MED13L: variants seen among roughly 807,000 people sequenced by gnomAD.
MED13L encodes mediator of RNA polymerase II transcription subunit 13-like.
MED13L carries 7 observed loss-of-function variants against 220.9 expected under a neutral mutation model. That is an observed-to-expected ratio of 0.03 (90% confidence interval 0.02 to 0.06). MED13L has a LOEUF of 0.06. Among genes scored for constraint, MED13L ranks in the 10% least tolerant of loss-of-function variants. The pLI, the probability that MED13L is intolerant of heterozygous loss-of-function variation, is 1.00. For synonymous variants in MED13L, 1,011 were observed against 1,015.2 expected (o/e 1.00, Z 0.08); for missense variants, 1,965 against 2,760.5 (o/e 0.71, Z 6.46).
rs77784334 is a variant in MED13L at position 116,167,299 on chromosome 12, G to A, written c.311-55787C>T. Among the ~76,000 whole-genome samples, 1,228 of 152,162 alleles carry A rather than the reference G, an allele frequency of 8.1e-3. 24 individuals carry two copies. The highest frequency in any genetic ancestry group is 0.028 in the African/African-American group (1,150 of 41,518). On this transcript the variant is annotated intron_variant, in intron 2 of 30. Coordinates refer to ENST00000281928, the MANE Select transcript of MED13L (RefSeq NM_015335.5). The stretch of plus-strand genomic sequence containing the variant: ...TGTTTACAAATGAAAAGCATCCCTC[G>A]AATACAAGCAGTTTAAACAACTGTT...
chr12:116,123,348 T>C (rs1271350665), intron 2 of MED13L, among the ~76,000 whole-genome samples: 1 of 152,134 alleles, frequency 6.6e-6, no homozygotes, highest in Admixed American at 6.6e-5. Flanking sequence ...CATCACAAGA[T>C]AAATTTTGAG....
chr12:116,049,175 C>T (rs181680239), intron 4 of MED13L, among the ~76,000 whole-genome samples: 13 of 152,220 alleles, frequency 8.5e-5, no homozygotes, highest in Admixed American at 7.9e-4. Context: ...AAAACAAAGA[C>T]ACAACTGAAA....
chr12:116,082,324 C>A (rs1425801092), intron 4 of MED13L, among the ~76,000 whole-genome samples: 1 of 152,126 alleles, frequency 6.6e-6, no homozygotes, highest in Non-Finnish European at 1.5e-5. Flanking sequence ...GAGGAGCAAG[C>A]AAAGTAAAAA....
intron 2 of MED13L, among the ~76,000 whole-genome samples, chr12:116,117,094 T>C (rs1171861441): frequency 1.3e-5 from 2 of 151,858 alleles, no homozygotes; most frequent in Non-Finnish European, 2.9e-5. Context: ...GAAATATCTA[T>C]ACAATGGGCT....
intron 2 of MED13L, among the ~76,000 whole-genome samples, chr12:116,117,283 G>A (rs1244124280): frequency 1.3e-5 from 2 of 152,126 alleles, no homozygotes; most frequent in African/African-American, 2.4e-5. Flanking sequence ...GGATGGAGGT[G>A]GTGAGACAGG....
intron 2 of MED13L, among the ~76,000 whole-genome samples, chr12:116,152,293 T>C (rs1878098927): frequency 6.6e-6 from 1 of 152,224 alleles, no homozygotes; most frequent in Non-Finnish European, 1.5e-5. Flanking sequence ...CATAATTATA[T>C]TACTGTTTCC....
chr12:116,142,223 A>G (rs1022253036), intron 2 of MED13L, among the ~76,000 whole-genome samples: 2 of 152,202 alleles, frequency 1.3e-5, no homozygotes, highest in Admixed American at 1.3e-4. Context: ...TCTCTACCAG[A>G]GCTAAAAATC....
In MED13L at chr12:116,157,222, T is replaced by C. The variant is rs1053248279; in HGVS notation, c.311-45710A>G. ...GTGCTATGCCTTTCATAATATTCAC[T>C]ATACTAGTATACTACACTAAGATTT... On this transcript the variant is annotated intron_variant, in intron 2 of 30. Coordinates refer to ENST00000281928, the MANE Select transcript of MED13L (RefSeq NM_015335.5). Among the ~76,000 whole-genome samples, 5 of 152,198 alleles carry C rather than the reference T, an allele frequency of 3.3e-5. No individual in the cohort carries two copies. The South Asian group carries it at 6.2e-4, about 19-fold the overall frequency.
At chr12:116,191,083 C>T (rs1404228311) in intron 2 of MED13L, among the ~76,000 whole-genome samples, 1 of 144,606 alleles carries the variant, frequency 6.9e-6, no homozygotes, top group Non-Finnish European at 1.5e-5. Flanking sequence ...AAGAGCGAGA[C>T]TCTGTCTCAA....
At chr12:116,171,313 T>C (rs975380573) in intron 2 of MED13L, among the ~76,000 whole-genome samples, 5 of 152,202 alleles carry the variant, frequency 3.3e-5, no homozygotes, top group Non-Finnish European at 7.3e-5. Flanking sequence ...TTCTTTCAGC[T>C]GCAAAGATAG....
At position 116,208,612 on chromosome 12, in the gene MED13L, T is replaced by C. The variant is rs191773646; in HGVS notation, c.310+28856A>G. Among the ~76,000 whole-genome samples, 476 of 152,298 alleles carry C rather than the reference T, an allele frequency of 3.1e-3. 1 individual carries two copies. The highest frequency in any genetic ancestry group is 4.4e-3 in the Non-Finnish European group (296 of 68,024). ...TGTCATTTCAATAACTCAAGTAAGA[T>C]TCAACTGTTCTACTCACAGCAGAAA... On this transcript the variant is annotated intron_variant, in intron 2 of 30. Coordinates refer to ENST00000281928, the MANE Select transcript of MED13L (RefSeq NM_015335.5).
In MED13L at chr12:116,003,194, C is replaced by T. The variant is rs533419903; in HGVS notation, c.2470-92G>A. 72 of 1,099,720 alleles carry T rather than the reference C, an allele frequency of 6.5e-5. 3 individuals are homozygous for T. In the South Asian group the frequency reaches 8.2e-4, roughly 12 times the overall value. 68.1% of individuals were successfully genotyped at this position (1,099,720 alleles called of 1,614,324 possible). A position where few individuals can be genotyped will look rare whatever the true frequency, so the allele number is the denominator to read the frequency against. ...CCTAATGTATGCCTATTGGTAGATGCCTCTTGGTAGAAGCGTTTACCAGGT... is the reference window on the plus strand; with the variant it reads ...CCTAATGTATGCCTATTGGTAGATGTCTCTTGGTAGAAGCGTTTACCAGGT... On this transcript the variant is annotated intron_variant, in intron 13 of 30. Transcript: ENST00000281928.
chr12:116,030,089 T>A (rs1218516228), intron 4 of MED13L, among the ~76,000 whole-genome samples: 1 of 152,122 alleles, frequency 6.6e-6, no homozygotes. Flanking sequence ...TGCCTCAGCC[T>A]CCTAAGTAGC....
chr12:115,978,074 C>A (rs1169138674), intron 23 of MED13L, among the ~76,000 whole-genome samples: 2 of 152,034 alleles, frequency 1.3e-5, no homozygotes, highest in Middle Eastern at 3.4e-3. Context: ...TATAATTAGA[C>A]CCTGTCTAAA....
intron 2 of MED13L, among the ~76,000 whole-genome samples, chr12:116,211,439 T>C (rs1482555168): frequency 6.6e-6 from 1 of 152,150 alleles, no homozygotes; most frequent in Non-Finnish European, 1.5e-5. Flanking sequence ...AAAATGCACC[T>C]TTAAGACAAA....
At chr12:116,263,803 G>T (rs150151612) in intron 1 of MED13L, among the ~76,000 whole-genome samples, 61 of 152,246 alleles carry the variant, frequency 4.0e-4, no homozygotes, top group African/African-American at 1.4e-3. Flanking sequence ...TCTACCCTTA[G>T]GATAATTTGC....
intron 4 of MED13L, among the ~76,000 whole-genome samples, chr12:116,034,161 T>G (rs1018702873): frequency 2.0e-5 from 3 of 152,134 alleles, no homozygotes; most frequent in African/African-American, 7.2e-5. Context: ...TATACCTCAA[T>G]CACAGCACTT....
chr12:116,244,176 C>T (rs1157142396), intron 1 of MED13L, among the ~76,000 whole-genome samples: 1 of 152,150 alleles, frequency 6.6e-6, no homozygotes, highest in Admixed American at 6.5e-5. Context: ...CTCACTTCCT[C>T]CAATGATAGG....
chr12:115,974,201 G>C (rs563010491), intron 25 of MED13L, among the ~76,000 whole-genome samples: 1 of 152,304 alleles, frequency 6.6e-6, no homozygotes, highest in Admixed American at 6.5e-5. Context: ...GAACTGAATA[G>C]TCACAACAGC....
Sources: gnomAD v4.1 joint callset for allele counts (sites outside exome capture counted in the v4.1 genomes callset) on GRCh38, gnomAD v4.1.1 for gene constraint, MANE v1.5 for transcripts, NCBI Gene and HGNC (gene_info 2026-07-23, HGNC 2026-07-21) for gene names.